PACC1: variants seen among roughly 807,000 people sequenced by gnomAD.
The protein encoded by PACC1 is proton activated chloride channel 1.
In PACC1, 34 loss-of-function variants were observed where a neutral mutation model predicts 39.7. The observed-to-expected ratio is 0.86, with a 90% confidence interval of 0.65 to 1.14. The LOEUF is 1.14. Ranked by LOEUF, PACC1 falls within the 50% of genes most tolerant of loss-of-function variation. PACC1 has a pLI of 0.00. For missense variants in PACC1, 379 were observed against 436.4 expected (o/e 0.87, Z 1.17); for synonymous variants, 127 against 160.6 (o/e 0.79, Z 1.58).
At chr1:212,413,552 C>T (rs1428970082) in intron 1 of PACC1, among the ~76,000 whole-genome samples, 1 of 152,152 alleles carries the variant, frequency 6.6e-6, no homozygotes, top group Non-Finnish European at 1.5e-5. Context: ...TGGAGCTTGG[C>T]GGAGCGTTGA....
chr1:212,382,188 G>A (rs1394840307), intron 4 of PACC1, among the ~76,000 whole-genome samples: 1 of 152,114 alleles, frequency 6.6e-6, no homozygotes, highest in East Asian at 1.9e-4. Flanking sequence ...ACAGGCACGT[G>A]CCACTACACA....
intron 2 of PACC1, among the ~76,000 whole-genome samples, chr1:212,406,711 AT>A (rs1661933772): frequency 6.6e-6 from 1 of 152,196 alleles, no homozygotes; most frequent in Non-Finnish European, 1.5e-5. Flanking sequence ...GCAAGTGGGA[AT>A]GCTCTTGCCA....
At chr1:212,371,241 C>CAAAAAA (rs1189603478) in intron 7 of PACC1, among the ~76,000 whole-genome samples, 13 of 88,570 alleles carry the variant, frequency 1.5e-4, no homozygotes, top group African/African-American at 3.5e-4. Flanking sequence ...GACTCCATTT[C>CAAAAAA]AAAAAAAAAA....
At chr1:212,405,119 C>CT (rs1441447983) in intron 2 of PACC1, among the ~76,000 whole-genome samples, 1 of 152,156 alleles carries the variant, frequency 6.6e-6, no homozygotes, top group Non-Finnish European at 1.5e-5. Flanking sequence ...GCACCTGACT[C>CT]TACCATTTCT....
intron 7 of PACC1, 84 bp from the exon 8 acceptor site, chr1:212,365,460 T>G: frequency 7.2e-7 from 1 of 1,379,540 alleles, no homozygotes; most frequent in Non-Finnish European, 9.7e-7. Flanking sequence ...AGATGGAGTT[T>G]CGCTCTTGTC....
chr1:212,376,213 C>T (rs1027305739), intron 6 of PACC1, among the ~76,000 whole-genome samples: 13 of 152,222 alleles, frequency 8.5e-5, no homozygotes, highest in Admixed American at 3.3e-4. Context: ...GATCCATCAT[C>T]GAAGCTGAGC....
intron 2 of PACC1, chr1:212,387,557 T>A: frequency 6.1e-6 from 1 of 164,000 alleles, no homozygotes; most frequent in Non-Finnish European, 1.3e-5. Flanking sequence ...CCTCTACTCA[T>A]CGACTTTCTG....
In PACC1 at chr1:212,396,426, G is replaced by A. The variant is rs369169881; in HGVS notation, c.134-9326C>T. 1.1e-3 allele frequency among the ~76,000 whole-genome samples: 169 copies of A among 152,102 alleles called. 1 individual carries two copies. The highest frequency in any genetic ancestry group is 6.8e-3 in the Middle Eastern group (2 of 294). On this transcript the variant is annotated intron_variant, in intron 2 of 7. Transcript: ENST00000261455. ...CACAGGAAGGGGAACATCACACACC[G>A]GGGCCTGTTGTGGGGTGGGGGAAGG...
chr1:212,381,352 C>T (rs1310393349), intron 4 of PACC1, among the ~76,000 whole-genome samples: 3 of 152,188 alleles, frequency 2.0e-5, no homozygotes, highest in African/African-American at 7.2e-5. Flanking sequence ...ATTGTCACTT[C>T]TGGTTTTCGT....
At chr1:212,378,573 G>A (rs1571639199) in intron 5 of PACC1, among the ~76,000 whole-genome samples, 2 of 152,178 alleles carry the variant, frequency 1.3e-5, no homozygotes, top group South Asian at 4.1e-4. Context: ...GGTAGGAACT[G>A]AGTCCCTCTC....
intron 2 of PACC1, among the ~76,000 whole-genome samples, chr1:212,397,450 A>G (rs1028879877): frequency 2.6e-5 from 4 of 152,232 alleles, no homozygotes; most frequent in Admixed American, 2.6e-4. Flanking sequence ...CAAAGACACA[A>G]AAGAATATCT....
intron 7 of PACC1, among the ~76,000 whole-genome samples, chr1:212,373,526 A>T (rs1660535013): frequency 6.6e-6 from 1 of 152,244 alleles, no homozygotes; most frequent in Non-Finnish European, 1.5e-5. Flanking sequence ...AAGCTTCTGT[A>T]CAGCAAAGGA....
intron 4 of PACC1, among the ~76,000 whole-genome samples, chr1:212,382,099 C>T (rs12145170): frequency 1.3e-5 from 2 of 151,588 alleles, no homozygotes; most frequent in African/African-American, 2.4e-5. Flanking sequence ...AGTGCACTGG[C>T]GTGATCTCGG....
chr1:212,412,518 G>A (rs1297619992), intron 1 of PACC1, among the ~76,000 whole-genome samples: 1 of 152,112 alleles, frequency 6.6e-6, no homozygotes, highest in Non-Finnish European at 1.5e-5. Context: ...GAAGAAAGAC[G>A]CCGGCCATTT....
At chr1:212,389,322 A>AG (rs754125382) in intron 2 of PACC1, among the ~76,000 whole-genome samples, 14 of 151,772 alleles carry the variant, frequency 9.2e-5, no homozygotes, top group African/African-American at 1.7e-4. Flanking sequence ...TGGAGAACCC[A>AG]GGGGGGGCCA....
intron 2 of PACC1, among the ~76,000 whole-genome samples, chr1:212,400,943 G>T (rs950859335): frequency 6.6e-6 from 1 of 152,152 alleles, no homozygotes; most frequent in Admixed American, 6.5e-5. Context: ...TAGAGGAAGG[G>T]GGCTTGGTTG....
intron 6 of PACC1, among the ~76,000 whole-genome samples, chr1:212,376,281 CAT>C (rs1291583383): frequency 1.3e-5 from 2 of 152,126 alleles, no homozygotes; most frequent in African/African-American, 4.8e-5. Flanking sequence ...AGTATAGGGG[CAT>C]ACCTATGTGA....
intron 4 of PACC1, among the ~76,000 whole-genome samples, chr1:212,382,259 G>A (rs927874120): frequency 2.4e-4 from 36 of 152,018 alleles, no homozygotes; most frequent in Admixed American, 4.6e-4. Context: ...TAGCCAGGAT[G>A]GTCTCGATCT....
chr1:212,400,821 T>C (rs150551370), intron 2 of PACC1, among the ~76,000 whole-genome samples: 44 of 152,296 alleles, frequency 2.9e-4, no homozygotes, highest in African/African-American at 1.0e-3. Context: ...CTTTGTAAAA[T>C]TCAAGACAGA....
Sources: gnomAD v4.1 joint callset for allele counts (sites outside exome capture counted in the v4.1 genomes callset) on GRCh38, gnomAD v4.1.1 for gene constraint, MANE v1.5 for transcripts, NCBI Gene and HGNC (gene_info 2026-07-23, HGNC 2026-07-21) for gene names.